Variants in CLUH observed in about 807,000 individuals in gnomAD.
The protein encoded by CLUH is clustered mitochondria protein homolog.
CLUH carries 77 observed loss-of-function variants against 139.3 expected under a neutral mutation model. The ratio of observed to expected loss-of-function variants is 0.55; its 90% CI spans 0.46 to 0.67. CLUH has a LOEUF of 0.67. Ranked by LOEUF, CLUH falls within the 30% of genes least tolerant of loss-of-function variation. The probability of loss-of-function intolerance (pLI) is 0.00; values close to 1 mark genes in which losing one functional copy is unlikely to be tolerated. For missense variants in CLUH, 1,876 were observed against 1,875.8 expected (o/e 1.00, Z 0.00); for synonymous variants, 999 against 801.6 (o/e 1.25, Z -4.16).
At chr17:2,699,706 A>T (rs2070106783) in intron 9 of CLUH, among the ~76,000 whole-genome samples, 1 of 149,220 alleles carries the variant, frequency 6.7e-6, no homozygotes. Flanking sequence ...ATTTCGGCTC[A>T]CTGCAACCTC....
intron 1 of CLUH, among the ~76,000 whole-genome samples, chr17:2,708,691 C>T (rs1431955510): frequency 2.6e-5 from 4 of 152,126 alleles, no homozygotes; most frequent in Admixed American, 2.6e-4. Context: ...CCACTGAGCG[C>T]GGGCTACCCA....
chr17:2,693,397 G>GAAACAAAC (rs367898536), intron 19 of CLUH, among the ~76,000 whole-genome samples: 1 of 151,804 alleles, frequency 6.6e-6, no homozygotes. Context: ...CCCTGTCTCA[G>GAAACAAAC]AAACAAACAA....
At chr17:2,702,469 G>A in intron 3 of CLUH, among the ~76,000 whole-genome samples, 1 of 152,230 alleles carries the variant, frequency 6.6e-6, no homozygotes, top group East Asian at 1.9e-4. Context: ...GACTTTCCAA[G>A]GCCCCCAATG....
chr17:2,709,781 G>T (rs1417775321), intron 1 of CLUH, among the ~76,000 whole-genome samples: 1 of 152,140 alleles, frequency 6.6e-6, no homozygotes, highest in Non-Finnish European at 1.5e-5. Context: ...CAGCTGGGGG[G>T]TCTTCATTAA....
Position 2,700,835 on chromosome 17 carries a change from G to C in CLUH, c.1026-10C>G. ...CGGGTGGCGCTGGACCCTGTGGCAG[G>C]CAGGGGAGGGGGAGATGGGGCAGCC... On this transcript the variant is annotated splice_polypyrimidine_tract_variant and intron_variant, in intron 7 of 25. Coordinates refer to ENST00000651024, the MANE Select transcript of CLUH (RefSeq NM_001366661.1). 1 of 1,511,154 alleles carries C rather than the reference G, an allele frequency of 6.6e-7. No individual in the cohort carries two copies. The highest frequency in any genetic ancestry group is 1.3e-5 in the South Asian group (1 of 75,198). 93.6% of individuals were successfully genotyped at this position (1,511,154 alleles called of 1,614,324 possible). A position where few individuals can be genotyped will look rare whatever the true frequency, so the allele number is the denominator to read the frequency against.
In CLUH at chr17:2,690,651, T is replaced by A. The variant is rs548917539; in HGVS notation, c.3990A>T (p.Gly1330=). The A allele has an allele frequency of 2.6e-6, 4 of 1,532,742 alleles. No individual in the cohort carries two copies. Among genetic ancestry groups the A allele is most frequent in the Non-Finnish European group, 3.5e-6 (4 of 1,147,002 alleles). 94.9% of individuals were successfully genotyped at this position (1,532,742 alleles called of 1,614,324 possible). A position where few individuals can be genotyped will look rare whatever the true frequency, so the allele number is the denominator to read the frequency against. ...ATEPAPAGAP[G]DLGSQPPAAK... Reference sequence around the variant, plus strand: ...CAGCCGGGGGCTGGGAGCCCAGGTCTCCTGGGGCCCCCGCTGGCGCGGGCT... The same window carrying A: ...CAGCCGGGGGCTGGGAGCCCAGGTCACCTGGGGCCCCCGCTGGCGCGGGCT... The change falls in exon 26 of 26, where the codon GGA becomes GGT. Residue 1330 remains glycine, a synonymous_variant. Transcript: ENST00000651024.
chr17:2,698,053 G>T lies in CLUH; in HGVS notation c.1804C>A (p.Leu602Ile). 6.2e-7 allele frequency: 1 copy of T among 1,606,746 alleles called. No individual in the cohort carries two copies. ...IIGNDGRHYI[L>I]DLLRTFPPDL... ...GGGGGGAAGGTGCGCAGCAGGTCGA[G>T]GATGTAGTGGCGCCCGTCGTTGCCA... is the stretch of plus-strand genomic sequence containing the variant. Residue 602 changes from leucine (L) to isoleucine (I), a missense_variant, in exon 10 of 26, where the codon CTC (leucine) becomes ATC (isoleucine). By Grantham distance (5) the Leu-to-Ile change is conservative. Around this residue, in one of 3 missense-constraint regions of CLUH, gnomAD observed 1,454 missense variants for 1,384.4 expected, o/e 1.05. Coordinates refer to ENST00000651024, the MANE Select transcript of CLUH (RefSeq NM_001366661.1).
rs1225410413 is a variant in CLUH at position 2,696,272 on chromosome 17, G to A, written c.2291-13C>T. 3.8e-6 allele frequency: 6 copies of A among 1,562,264 alleles called. No homozygotes were observed. The highest frequency in any genetic ancestry group is 5.2e-6 in the Non-Finnish European group (6 of 1,153,050). Reference sequence around the variant, plus strand: ...GGGAAACGAACCCCTGGAGGAGGGAGAGCAGAGAGGCTGAGCCAGGCAGTG... The same window carrying A: ...GGGAAACGAACCCCTGGAGGAGGGAAAGCAGAGAGGCTGAGCCAGGCAGTG... On this transcript the variant is annotated splice_polypyrimidine_tract_variant and intron_variant, in intron 12 of 25. Coordinates refer to ENST00000651024, the MANE Select transcript of CLUH (RefSeq NM_001366661.1).
chr17:2,694,017 C>T lies in CLUH; in HGVS notation c.3114G>A (p.Glu1038=), dbSNP rs2069826223. ...ACAGGTTCAGGGCCTCATTGATGAG[C>T]TCACAGCCCTCCTTCAGGAAGCCTG... ...VQQGFLKEGC[E]LINEALNLFN... The change falls in exon 19 of 26, where the codon GAG becomes GAA. Residue 1038 remains glutamate (E), a synonymous_variant. Coordinates refer to ENST00000651024, the MANE Select transcript of CLUH (RefSeq NM_001366661.1). The T allele has an allele frequency of 6.2e-7, 1 of 1,613,858 alleles. No homozygotes were observed. Among genetic ancestry groups the T allele is most frequent in the Admixed American group, 1.7e-5 (1 of 60,006 alleles).
intron 13 of CLUH, 172 bp downstream of exon 13, chr17:2,695,987 C>T (rs1363584778): frequency 4.8e-6 from 3 of 621,172 alleles, no homozygotes; most frequent in Non-Finnish European, 8.5e-6. Context: ...AGGGCCTGTG[C>T]CCTTGACCTC....
intron 24 of CLUH, 39 bp downstream of exon 24, chr17:2,691,722 G>C: frequency 1.9e-6 from 3 of 1,603,486 alleles, no homozygotes; most frequent in Non-Finnish European, 2.6e-6. Context: ...GGGCTCCCGC[G>C]CTCGCCGGGC....
Position 2,693,908 on chromosome 17 carries a change from A to G in CLUH, c.3223T>C (p.Tyr1075His). The change falls in exon 19 of 26, where the codon TAC becomes CAC. Residue 1075 changes from tyrosine to histidine, a missense_variant. Physicochemically the swap from Tyr to His is moderately conservative, Grantham distance 83 (BLOSUM62 2). This residue lies in a region of CLUH where 1,454 missense variants were observed against 1,384.4 expected (regional missense o/e 1.05). Coordinates refer to ENST00000651024, the MANE Select transcript of CLUH (RefSeq NM_001366661.1). ...CACAGCCCAGAGGGTACCTCTGCGT[A>G]GTCGCCCATGATGTAGTGGAGGCGG... ...LARLHYIMGD[Y>H]AEALSNQQKA... The G allele has an allele frequency of 6.2e-7, 1 of 1,612,100 alleles. No individual in the cohort carries two copies. Among genetic ancestry groups the G allele is most frequent in the Non-Finnish European group, 8.5e-7 (1 of 1,179,162 alleles).
chr17:2,710,960 C>T (rs988875458), intron 1 of CLUH: 2 of 152,478 alleles, frequency 1.3e-5, no homozygotes, highest in Admixed American at 6.5e-5. Flanking sequence ...GGCCAACACA[C>T]CTGAGAGTCT....
intron 10 of CLUH, 135 bp from the exon 11 acceptor site, chr17:2,697,077 C>T (rs561843464): frequency 4.2e-5 from 28 of 667,170 alleles, no homozygotes; most frequent in Middle Eastern, 4.3e-4. Flanking sequence ...CATGAGTCAA[C>T]GCAGAAAAAC....
Position 2,690,670 on chromosome 17 carries a change from G to T in CLUH, c.3971C>A (p.Ala1324Glu). 1.3e-6 allele frequency: 2 copies of T among 1,553,344 alleles called. No individual in the cohort carries two copies. The highest frequency in any genetic ancestry group is 1.7e-6 in the Non-Finnish European group (2 of 1,156,742). The change falls in exon 26 of 26, where the codon GCG becomes GAG. Residue 1324 changes from alanine to glutamate, a missense_variant. Ala to Glu is a moderately radical substitution (Grantham distance 107). Around this residue, in one of 3 missense-constraint regions of CLUH, gnomAD observed 1,454 missense variants for 1,384.4 expected, o/e 1.05. Coordinates refer to ENST00000651024, the MANE Select transcript of CLUH (RefSeq NM_001366661.1). ...RAEEPMATEP[A>E]PAGAPGDLGS... ...CAGGTCTCCTGGGGCCCCCGCTGGC[G>T]CGGGCTCGGTAGCCATGGGCTCCTC... is the stretch of plus-strand genomic sequence containing the variant.
rs1297340509 is a variant in CLUH at position 2,691,951 on chromosome 17, GCCC to G, written c.3654+50_3654+52del. The G allele has an allele frequency of 5.9e-4, 645 of 1,098,722 alleles. 8 individuals are homozygous for G. The highest frequency in any genetic ancestry group is 3.5e-3 in the South Asian group (199 of 56,258). The allele number at this position is 1,098,722 out of a possible 1,614,324, so 68.1% of individuals were successfully genotyped here. ...CCCGTGCCCCCGCGGCCCCGCCCCC[GCCC>G]CGCCACGCCCCCGCCCCGCCCCCGC... On this transcript the variant is annotated intron_variant, in intron 23 of 25. Coordinates refer to ENST00000651024, the MANE Select transcript of CLUH (RefSeq NM_001366661.1).
At chr17:2,701,045 G>C in intron 7 of CLUH, 95 bp downstream of exon 7, 2 of 1,591,426 alleles carry the variant, frequency 1.3e-6, no homozygotes, top group Non-Finnish European at 1.7e-6. Context: ...GCCCAGGGCG[G>C]TTTCTTCAGA....
chr17:2,703,555 G>T lies in CLUH; in HGVS notation c.304-66C>A. On this transcript the variant is annotated intron_variant, in intron 2 of 25. Coordinates refer to ENST00000651024, the MANE Select transcript of CLUH (RefSeq NM_001366661.1). This position sits in a 1 kb window ranked among gnomAD's most constrained non-coding sequence, Gnocchi z 4.2. Reference sequence around the variant, plus strand: ...GTAGCGGGGAGAGAAGGCCCCAACCGCCCCGGTGAGAGGCCACGTAGCGGA... The same window carrying T: ...GTAGCGGGGAGAGAAGGCCCCAACCTCCCCGGTGAGAGGCCACGTAGCGGA... The T allele has an allele frequency of 6.5e-7, 1 of 1,528,616 alleles. No homozygotes were observed. The allele number at this position is 1,528,616 out of a possible 1,614,324, so 94.7% of individuals were successfully genotyped here.
Position 2,703,288 on chromosome 17 carries a change from C to T in CLUH, c.475+30G>A. ...TGCCTCTGCCTCCGTGGGCCCTCCC[C>T]CGGGCAGGCTGTCCAACTTCCAGAC... On this transcript the variant is annotated intron_variant, in intron 3 of 25. Coordinates refer to ENST00000651024, the MANE Select transcript of CLUH (RefSeq NM_001366661.1). The surrounding 1 kb of genome is among the most constrained non-coding windows in gnomAD (Gnocchi z 4.2). 3 of 1,590,740 alleles carry T rather than the reference C, an allele frequency of 1.9e-6. No individual in the cohort carries two copies. The South Asian group carries it at 3.4e-5, about 18-fold the overall frequency.
Sources: allele counts gnomAD v4.1 joint callset (sites outside exome capture counted in the v4.1 genomes callset), GRCh38; gene constraint gnomAD v4.1.1; regional missense constraint gnomAD v4.1.1; non-coding constraint Gnocchi (gnomAD v3.1); transcripts MANE v1.5; gene names NCBI Gene and HGNC (gene_info 2026-07-23, HGNC 2026-07-21).